EGFLAM: variants seen among roughly 807,000 people sequenced by gnomAD.
EGFLAM encodes the protein EGF like, fibronectin type III and laminin G domains, also known as pikachurin.
EGFLAM carries 79 observed loss-of-function variants against 113.1 expected under a neutral mutation model. That is an observed-to-expected ratio of 0.70 (90% CI 0.58 to 0.84). EGFLAM has a LOEUF of 0.84. Ranked by LOEUF, EGFLAM falls within the 40% of genes least tolerant of loss-of-function variation. EGFLAM has a pLI of 0.00. For missense variants in EGFLAM, 1,265 were observed against 1,291.6 expected (o/e 0.98, Z 0.32); for synonymous variants, 504 against 487.6 (o/e 1.03, Z -0.44).
At position 38,273,960 on chromosome 5, in the gene EGFLAM, C is replaced by T. The variant is rs138210111; in HGVS notation, c.97+15109C>T. 3.7e-3 allele frequency among the ~76,000 whole-genome samples: 558 copies of T among 151,672 alleles called. 10 individuals are homozygous for T. In the South Asian group the frequency reaches 0.046, roughly 12 times the overall value. ...AAGTTCAATGAACTTCAATAAAATG[C>T]GTAGAAACAGTTAAATGAAATGAAG... On this transcript the variant is annotated intron_variant, in intron 1 of 21. Transcript: ENST00000322350.
chr5:38,405,067 A>G (rs562772785), intron 6 of EGFLAM, among the ~76,000 whole-genome samples: 16 of 152,050 alleles, frequency 1.1e-4, no homozygotes, highest in Non-Finnish European at 2.1e-4. Flanking sequence ...GAAATGGATG[A>G]CCCCCAAGAT....
chr5:38,330,321 C>A (rs887358911), intron 1 of EGFLAM, among the ~76,000 whole-genome samples: 1 of 152,052 alleles, frequency 6.6e-6, no homozygotes, highest in Admixed American at 6.5e-5. Context: ...ATTTCTCCAG[C>A]CAAGCAAGGC....
Position 38,417,103 on chromosome 5 carries a change from C to T in EGFLAM, c.1495-963C>T, listed in dbSNP as rs529301847. Among the ~76,000 whole-genome samples the T allele has an allele frequency of 2.6e-5, 4 of 152,162 alleles. No homozygotes were observed. The East Asian group carries it at 7.7e-4, about 29-fold the overall frequency. ...GCGTGGTAGCTCATGCCAGTAATCC[C>T]AGCACTTTGGGAGACTGAGGCAGGT... is the stretch of plus-strand genomic sequence containing the variant. On this transcript the variant is annotated intron_variant, in intron 11 of 21. Coordinates refer to ENST00000322350, the MANE Select transcript of EGFLAM (RefSeq NM_152403.4).
rs373390189 is a variant in EGFLAM at position 38,409,115 on chromosome 5, C to A, written c.1349+11C>A. 6.5e-7 allele frequency: 1 copy of A among 1,548,684 alleles called. No homozygotes were observed. The highest frequency in any genetic ancestry group is 8.7e-7 in the Non-Finnish European group (1 of 1,144,608). On this transcript the variant is annotated intron_variant, in intron 10 of 21. Transcript: ENST00000322350. Reference sequence around the variant, plus strand: ...CTCCCTGCAGTTCAGGTAATTCCTGCCAAAAGCCTCACACTCTTTTTTTGT... The same window carrying A: ...CTCCCTGCAGTTCAGGTAATTCCTGACAAAAGCCTCACACTCTTTTTTTGT...
rs70978880 is a variant in EGFLAM at position 38,333,916 on chromosome 5, G to GTTTTT, written c.98-3584_98-3580dup. ...TGTCTGTTTATTTTTATTGTTGAGG[G>GTTTTT]TTTTTTTTTTTTTTTTTTTTTTTTG... is the stretch of plus-strand genomic sequence containing the variant. On this transcript the variant is annotated intron_variant, in intron 1 of 21. Coordinates refer to ENST00000322350, the MANE Select transcript of EGFLAM (RefSeq NM_152403.4). Among the ~76,000 whole-genome samples, 196 of 29,276 alleles carry GTTTTT rather than the reference G, an allele frequency of 6.7e-3. 17 individuals carry two copies. Among genetic ancestry groups the GTTTTT allele is most frequent in the African/African-American group, 0.02 (126 of 6,254 alleles). 19.2% of individuals were successfully genotyped at this position (29,276 alleles called of 152,430 possible).
At chr5:38,448,404 C>T in intron 18 of EGFLAM, 25 bp downstream of exon 18, 2 of 1,611,444 alleles carry the variant, frequency 1.2e-6, no homozygotes, top group Non-Finnish European at 1.7e-6. Flanking sequence ...CAGGCACCTT[C>T]CTCAGCTTTC....
intron 3 of EGFLAM, among the ~76,000 whole-genome samples, chr5:38,347,984 G>A (rs1056834288): frequency 6.6e-6 from 1 of 152,078 alleles, no homozygotes; most frequent in Non-Finnish European, 1.5e-5. Context: ...TAACTGATGA[G>A]ATGGTGGTGA....
chr5:38,406,328 T>A, intron 7 of EGFLAM, 87 bp downstream of exon 7: 1 of 1,154,056 alleles, frequency 8.7e-7, no homozygotes, highest in Non-Finnish European at 1.3e-6. Context: ...ATAAACATTT[T>A]ACTTAAAACT....
chr5:38,259,852 C>A (rs1423047551), intron 1 of EGFLAM, among the ~76,000 whole-genome samples: 1 of 152,152 alleles, frequency 6.6e-6, no homozygotes, highest in Non-Finnish European at 1.5e-5. Context: ...AGAGGCAAAG[C>A]TAGGAAAATT....
intron 5 of EGFLAM, 31 bp downstream of exon 5, chr5:38,352,362 A>G: frequency 1.2e-6 from 2 of 1,611,408 alleles, no homozygotes; most frequent in Non-Finnish European, 1.7e-6. Flanking sequence ...CAAAAGCCAA[A>G]TGTGTGCTGG....
chr5:38,369,744 T>C (rs1740155187), intron 5 of EGFLAM, among the ~76,000 whole-genome samples: 1 of 152,206 alleles, frequency 6.6e-6, no homozygotes, highest in African/African-American at 2.4e-5. Context: ...CTGCCTTCTC[T>C]GAAGGGCCCT....
Position 38,463,003 on chromosome 5 carries a change from TG to T in EGFLAM, c.2868del (p.Tyr957MetfsTer5), listed in dbSNP as rs1164288126. On this transcript the variant is annotated frameshift_variant, in exon 21 of 22. Coordinates refer to ENST00000322350, the MANE Select transcript of EGFLAM (RefSeq NM_152403.4). LOFTEE classifies it high-confidence loss of function. ...CGGCAGCTTAACATCAATGGAGCTC[TG>T]TATGTGGGTAAGTGACCGACCCTCG... ...MMRQLNINGA[L>X]YVGGMKEIAL... The T allele has an allele frequency of 1.2e-6, 2 of 1,613,306 alleles. No individual in the cohort carries two copies. The highest frequency in any genetic ancestry group is 1.7e-6 in the Non-Finnish European group (2 of 1,179,384).
chr5:38,304,823 C>G (rs1251275798), intron 1 of EGFLAM, among the ~76,000 whole-genome samples: 3 of 151,586 alleles, frequency 2.0e-5, no homozygotes, highest in African/African-American at 7.3e-5. Flanking sequence ...AGAAACACAC[C>G]AAAAAAACAG....
At chr5:38,263,971 C>T (rs768098884) in intron 1 of EGFLAM, among the ~76,000 whole-genome samples, 2 of 152,140 alleles carry the variant, frequency 1.3e-5, no homozygotes, top group Non-Finnish European at 2.9e-5. Flanking sequence ...TTAAGACCTC[C>T]TCATTCCTAT....
At chr5:38,331,201 A>G (rs1169860171) in intron 1 of EGFLAM, among the ~76,000 whole-genome samples, 1 of 152,160 alleles carries the variant, frequency 6.6e-6, no homozygotes. Context: ...CGTCATCAGC[A>G]TCCCCTATCA....
chr5:38,288,918 A>C (rs1426200878), intron 1 of EGFLAM, among the ~76,000 whole-genome samples: 1 of 151,992 alleles, frequency 6.6e-6, no homozygotes, highest in Non-Finnish European at 1.5e-5. Context: ...CCCCAAGTAG[A>C]AGCTACCCCA....
At chr5:38,415,779 G>T (rs1741621032) in intron 11 of EGFLAM, among the ~76,000 whole-genome samples, 1 of 152,148 alleles carries the variant, frequency 6.6e-6, no homozygotes, top group Admixed American at 6.5e-5. Context: ...TGCATGGCTG[G>T]GAAGGCCTCA....
intron 5 of EGFLAM, among the ~76,000 whole-genome samples, chr5:38,368,064 G>A (rs1740109880): frequency 1.3e-5 from 2 of 152,112 alleles, no homozygotes; most frequent in Admixed American, 1.3e-4. Context: ...GGTAGTCCTC[G>A]GTAAATAACA....
chr5:38,446,675 T>C (rs1742724782), intron 17 of EGFLAM, among the ~76,000 whole-genome samples: 1 of 152,206 alleles, frequency 6.6e-6, no homozygotes, highest in Non-Finnish European at 1.5e-5. Context: ...CAGAGCAATT[T>C]CTTGGGTAGT....
Sources: allele counts gnomAD v4.1 joint callset (sites outside exome capture counted in the v4.1 genomes callset), GRCh38; gene constraint gnomAD v4.1.1; transcripts MANE v1.5; gene names NCBI Gene and HGNC (gene_info 2026-07-23, HGNC 2026-07-21).